Variants in TMPRSS15 observed in about 807,000 individuals in gnomAD.
TMPRSS15 encodes the protein enteropeptidase.
A neutral mutation model predicts 125.3 loss-of-function variants in TMPRSS15; 128 were observed. That is an observed-to-expected ratio of 1.02 (90% CI 0.89 to 1.18). The LOEUF is 1.18. Ranked by LOEUF, TMPRSS15 falls within the 50% of genes most tolerant of loss-of-function variation. TMPRSS15 has a pLI of 0.00. For missense variants in TMPRSS15, 1,283 were observed against 1,212.7 expected, an observed-to-expected ratio of 1.06 and a Z score of -0.86; for synonymous variants, 446 against 423.2, an observed-to-expected ratio of 1.05 and a Z score of -0.66.
rs1372069222 is a variant in TMPRSS15 at position 18,403,708 on chromosome 21, TTA to T, written c.-88_-87del. ...CTGAAGAGAAAAATCTCTCAAATTT[TTA>T]AAGATGTGTAAAGCAACAACCACCT... On this transcript the variant is annotated 5_prime_UTR_variant, in exon 1 of 25. An upstream open reading frame in the 5' UTR gains an earlier in-frame stop. Transcript: ENST00000284885. 6.4e-7 allele frequency: 1 copy of T among 1,563,804 alleles called. No individual in the cohort carries two copies. Among genetic ancestry groups the T allele is most frequent in the Non-Finnish European group, 8.7e-7 (1 of 1,143,288 alleles).
intron 1 of TMPRSS15, among the ~76,000 whole-genome samples, chr21:18,443,414 C>G (rs1460670836): frequency 6.6e-6 from 1 of 152,192 alleles, no homozygotes; most frequent in Admixed American, 6.5e-5. Flanking sequence ...GAATGAGTGA[C>G]AGCCCCTTGG....
chr21:18,349,886 T>C (rs1341372820), intron 10 of TMPRSS15, among the ~76,000 whole-genome samples: 1 of 152,190 alleles, frequency 6.6e-6, no homozygotes. Context: ...ATTTTCCCCT[T>C]TAATGTACTT....
chr21:18,307,950 G>A (rs751996596), intron 18 of TMPRSS15, among the ~76,000 whole-genome samples: 3 of 152,106 alleles, frequency 2.0e-5, no homozygotes, highest in Non-Finnish European at 2.9e-5. Flanking sequence ...GGTGATCTGC[G>A]AAAAGTGATG....
chr21:18,414,991 G>A (rs906912008), intron 1 of TMPRSS15, among the ~76,000 whole-genome samples: 12 of 151,642 alleles, frequency 7.9e-5, no homozygotes, highest in Admixed American at 4.6e-4. Context: ...CTGTATAAGT[G>A]TTTCAATTTT....
chr21:18,408,887 A>C (rs566949167), intron 1 of TMPRSS15, among the ~76,000 whole-genome samples: 23 of 152,130 alleles, frequency 1.5e-4, no homozygotes, highest in Non-Finnish European at 2.4e-4. Flanking sequence ...CTGGTACTGA[A>C]TATTGAACTA....
chr21:18,408,782 G>C (rs981659425), upstream of TMPRSS15, among the ~76,000 whole-genome samples: 1 of 152,066 alleles, frequency 6.6e-6, no homozygotes, highest in Non-Finnish European at 1.5e-5. Context: ...GGATTCTTAA[G>C]TACTGCAATC....
chr21:18,462,704 T>C (rs1978573768), intron 1 of TMPRSS15, among the ~76,000 whole-genome samples: 1 of 151,932 alleles, frequency 6.6e-6, no homozygotes, highest in African/African-American at 2.4e-5. Context: ...AAAAAAAAAT[T>C]GCTTGCCTAA....
chr21:18,313,793 A>G (rs924378199), intron 17 of TMPRSS15, among the ~76,000 whole-genome samples: 3 of 152,004 alleles, frequency 2.0e-5, no homozygotes, highest in Non-Finnish European at 4.4e-5. Flanking sequence ...AACAGAAAAT[A>G]AAGTTATCTG....
At chr21:18,283,828 T>C (rs1028947578) in intron 21 of TMPRSS15, among the ~76,000 whole-genome samples, 1 of 152,192 alleles carries the variant, frequency 6.6e-6, no homozygotes, top group African/African-American at 2.4e-5. Context: ...TCTTTGTAAA[T>C]ACTATACTTT....
intron 16 of TMPRSS15, 132 bp downstream of exon 16, chr21:18,326,300 T>G (rs2075289841): frequency 6.0e-6 from 8 of 1,322,530 alleles, no homozygotes; most frequent in Non-Finnish European, 7.6e-6. Flanking sequence ...AAAATCATCT[T>G]CATTAAGATG....
rs1363299468 is a variant in TMPRSS15 at position 18,397,872 on chromosome 21, TACTC to T, written c.344+3_344+6del. On this transcript the variant is annotated splice_donor_5th_base_variant and intron_variant, in intron 3 of 24. Transcript: ENST00000284885. ...CCATCAGTAGAAAATTTTTGAGCTA[TACTC>T]ACTCAAATTGTAAAACTCTTGAGTT... is the stretch of plus-strand genomic sequence containing the variant. 2 of 1,518,960 alleles carry T rather than the reference TACTC, an allele frequency of 1.3e-6. No individual in the cohort carries two copies. Among genetic ancestry groups the T allele is most frequent in the Non-Finnish European group, 1.8e-6 (2 of 1,111,520 alleles). 94.1% of individuals were successfully genotyped at this position (1,518,960 alleles called of 1,614,324 possible).
At chr21:18,429,616 G>C (rs2076212076) in intron 1 of TMPRSS15, among the ~76,000 whole-genome samples, 1 of 152,138 alleles carries the variant, frequency 6.6e-6, no homozygotes, top group Middle Eastern at 3.2e-3. Context: ...TCTTTCTGCT[G>C]CCACGTAGGA....
chr21:18,333,284 T>C (rs1384167533), intron 13 of TMPRSS15, among the ~76,000 whole-genome samples: 1 of 152,142 alleles, frequency 6.6e-6, no homozygotes, highest in African/African-American at 2.4e-5. Flanking sequence ...AGATAAGAAC[T>C]TCTCAAAATT....
intron 18 of TMPRSS15, among the ~76,000 whole-genome samples, chr21:18,309,856 T>G (rs182656897): frequency 5.8e-4 from 89 of 152,288 alleles, no homozygotes; most frequent in African/African-American, 1.9e-3. Flanking sequence ...TCAACTAAAC[T>G]GATTATTTAT....
intron 1 of TMPRSS15, among the ~76,000 whole-genome samples, chr21:18,459,105 C>G (rs1978499903): frequency 6.6e-6 from 1 of 152,030 alleles, no homozygotes; most frequent in Non-Finnish European, 1.5e-5. Flanking sequence ...TGTACAAGGT[C>G]AAGTTTAGTT....
chr21:18,453,234 T>C (rs1391325098), intron 1 of TMPRSS15, among the ~76,000 whole-genome samples: 1 of 152,212 alleles, frequency 6.6e-6, no homozygotes, highest in Non-Finnish European at 1.5e-5. Flanking sequence ...TCCAGGCATC[T>C]GGATCTCTCA....
intron 1 of TMPRSS15, among the ~76,000 whole-genome samples, chr21:18,485,022 A>G (rs1979052787): frequency 6.6e-6 from 1 of 151,826 alleles, no homozygotes; most frequent in Non-Finnish European, 1.5e-5. Flanking sequence ...TAATTCATTG[A>G]GTTAAGTCCT....
chr21:18,285,191 T>C (rs1015784447), intron 21 of TMPRSS15, among the ~76,000 whole-genome samples: 16 of 152,238 alleles, frequency 1.1e-4, no homozygotes, highest in African/African-American at 3.6e-4. Context: ...GATGCTTTTT[T>C]CCCATTTCCT....
At position 18,269,697 on chromosome 21, in the gene TMPRSS15, A is replaced by G; in HGVS notation, c.*272T>C. 1 of 365,800 alleles carries G rather than the reference A, an allele frequency of 2.7e-6. No homozygotes were observed. Among genetic ancestry groups the G allele is most frequent in the Admixed American group, 4.2e-5 (1 of 23,566 alleles). 22.7% of individuals were successfully genotyped at this position (365,800 alleles called of 1,614,324 possible). A position where few individuals can be genotyped will look rare whatever the true frequency, so the allele number is the denominator to read the frequency against. On this transcript the variant is annotated 3_prime_UTR_variant, in exon 25 of 25. Transcript: ENST00000284885. ...CAGTAAGTAATAAAAATAATCATTA[A>G]GAATTTTAAAAATGAGATCTGTGAA...
Sources: allele counts gnomAD v4.1 joint callset (sites outside exome capture counted in the v4.1 genomes callset), GRCh38; gene constraint gnomAD v4.1.1; transcripts MANE v1.5; gene names NCBI Gene and HGNC (gene_info 2026-07-23, HGNC 2026-07-21).